Variants in NBPF6 observed in about 807,000 individuals in gnomAD.
The protein encoded by NBPF6 is NBPF family member NBPF6.
In NBPF6, 2 loss-of-function variants were observed where a neutral mutation model predicts 20.8. The observed-to-expected ratio is 0.10, with a 90% CI of 0.04 to 0.30. The LOEUF (loss-of-function observed/expected upper bound fraction) is 0.30, where lower values mean the gene tolerates loss of function less well. Ranked by LOEUF, NBPF6 falls within the 10% of genes least tolerant of loss-of-function variation. The pLI, the probability that NBPF6 is intolerant of heterozygous loss-of-function variation, is 1.00. For synonymous variants in NBPF6, 24 were observed against 100.0 expected (o/e 0.24, Z 4.53); for missense variants, 85 against 260.3 (o/e 0.33, Z 4.63).
Position 108,470,619 on chromosome 1 carries a change from T to A in NBPF6, c.1898T>A (p.Met633Lys). The change falls in exon 15 of 15, where the codon ATG becomes AAG. Residue 633 changes from methionine (M) to lysine (K), a missense_variant. This residue lies in a region of NBPF6 where 31 missense variants were observed against 21.0 expected (regional missense o/e 1.48). Coordinates refer to ENST00000495380, the MANE Select transcript of NBPF6 (RefSeq NM_001143988.2). ...CAGATACCAAATACTGCTGAAAGGA[T>A]GCAAAGGATGATAGGATGAAAGAAT... ...SAEIPNTAERMQRMIG is the reference protein window; with the variant it reads ...SAEIPNTAERKQRMIG The A allele has an allele frequency of 6.4e-7, 1 of 1,555,406 alleles. No individual in the cohort carries two copies. Among genetic ancestry groups the A allele is most frequent in the Non-Finnish European group, 8.7e-7 (1 of 1,149,004 alleles).
chr1:108,434,722 C>T, the NBPF6 span, among the ~76,000 whole-genome samples: 1 of 86,084 alleles, frequency 1.2e-5, no homozygotes, highest in Non-Finnish European at 2.9e-5. Flanking sequence ...AACTCCCAGA[C>T]TCCAGTGATC....
At position 108,452,984 on chromosome 1, in the gene NBPF6, G is replaced by GTA. The variant is rs1652928381; in HGVS notation, c.279-196_279-195insAT. Among the ~76,000 whole-genome samples, 3 of 55,222 alleles carry GTA rather than the reference G, an allele frequency of 5.4e-5. No individual in the cohort carries two copies. In the South Asian group the frequency reaches 1.2e-3, roughly 22 times the overall value. The allele number at this position is 55,222 out of a possible 152,430, so 36.2% of individuals were successfully genotyped here. A position where few individuals can be genotyped will look rare whatever the true frequency, so the allele number is the denominator to read the frequency against. ...TGTGTGTGTGTGTATGTTTGTTTGT[G>GTA]TGTGTGTGTGTGTGTGTGTGTGTGT... On this transcript the variant is annotated intron_variant, in intron 3 of 14. Coordinates refer to ENST00000495380, the MANE Select transcript of NBPF6 (RefSeq NM_001143988.2).
upstream of NBPF6, among the ~76,000 whole-genome samples, chr1:108,447,502 C>T (rs1484224751): frequency 3.8e-5 from 5 of 133,196 alleles, no homozygotes; most frequent in East Asian, 6.6e-4. Context: ...AGTTCTTTCC[C>T]GCTCAGGACA....
At chr1:108,459,276 G>GT (rs1553271542) in intron 9 of NBPF6, among the ~76,000 whole-genome samples, 167 bp downstream of exon 9, 1 of 99,380 alleles carries the variant, frequency 1.0e-5, no homozygotes, top group Non-Finnish European at 2.2e-5. Flanking sequence ...TTTAATGTTT[G>GT]CATTTCTTAT....
chr1:108,459,369 CTCT>C (rs1476520741), intron 9 of NBPF6, among the ~76,000 whole-genome samples: 1 of 139,436 alleles, frequency 7.2e-6, no homozygotes, highest in African/African-American at 2.6e-5. Flanking sequence ...AGTAAGTATA[CTCT>C]TCTTATGGTG....
chr1:108,437,048 A>G, the NBPF6 span, among the ~76,000 whole-genome samples: 1 of 31,906 alleles, frequency 3.1e-5, no homozygotes, highest in South Asian at 8.5e-4. Context: ...AAAAGATAAA[A>G]GTTTGAGGTG....
At chr1:108,459,724 TTCTC>T (rs1336874468) in intron 9 of NBPF6, among the ~76,000 whole-genome samples, 1 of 55,116 alleles carries the variant, frequency 1.8e-5, no homozygotes, top group Admixed American at 1.6e-4. Context: ...CACCTGATGC[TTCTC>T]TCTCTCTCAT....
upstream of NBPF6, among the ~76,000 whole-genome samples, chr1:108,447,760 A>G (rs1178468222): frequency 5.7e-5 from 8 of 139,234 alleles, no homozygotes; most frequent in African/African-American, 1.9e-4. Flanking sequence ...GAAATGGTTC[A>G]GCAGGACGAG....
intron 14 of NBPF6, 57 bp downstream of exon 14, chr1:108,467,722 A>G: frequency 6.5e-7 from 1 of 1,544,034 alleles, no homozygotes; most frequent in Non-Finnish European, 8.8e-7. Context: ...GTCTATGGTG[A>G]CAGCTCATTC....
chr1:108,465,141 A>T, intron 12 of NBPF6, 47 bp from the exon 13 acceptor site: 1 of 670,770 alleles, frequency 1.5e-6, no homozygotes, highest in South Asian at 1.7e-5. Flanking sequence ...ATGACTTAAC[A>T]AAGGGAAAAC....
upstream of NBPF6, among the ~76,000 whole-genome samples, chr1:108,448,265 T>C (rs1430789217): frequency 2.7e-5 from 4 of 145,596 alleles, no homozygotes; most frequent in South Asian, 2.1e-4. Context: ...ATCTATTCTC[T>C]GGTGTCTCAG....
In NBPF6 at chr1:108,471,208, T is replaced by C. The variant is rs1276408316; in HGVS notation, c.*570T>C. Among the ~76,000 whole-genome samples, 1 of 152,186 alleles carries C rather than the reference T, an allele frequency of 6.6e-6. No homozygotes were observed. Among genetic ancestry groups the C allele is most frequent in the Non-Finnish European group, 1.5e-5 (1 of 68,038 alleles). On this transcript the variant is annotated 3_prime_UTR_variant, in exon 15 of 15. Transcript: ENST00000495380. ...TTTTAGTCATTTTGAACCCAAAACA[T>C]CTCCTTATCTTTTTGTTGTTGTCAT...
Position 108,471,202 on chromosome 1 carries a change from A to C in NBPF6, c.*564A>C, listed in dbSNP as rs2101067315. Reference sequence around the variant, plus strand: ...ATGCTTTTTTAGTCATTTTGAACCCAAAACATCTCCTTATCTTTTTGTTGT... The same window carrying C: ...ATGCTTTTTTAGTCATTTTGAACCCCAAACATCTCCTTATCTTTTTGTTGT... On this transcript the variant is annotated 3_prime_UTR_variant, in exon 15 of 15. Transcript: ENST00000495380. 6.6e-6 allele frequency among the ~76,000 whole-genome samples: 1 copy of C among 152,342 alleles called. No individual in the cohort carries two copies.
upstream of NBPF6, among the ~76,000 whole-genome samples, chr1:108,448,001 A>G (rs1652670587): frequency 1.4e-5 from 2 of 146,652 alleles, no homozygotes; most frequent in African/African-American, 5.1e-5. Flanking sequence ...CAGTGCTTAG[A>G]TTATTCATTT....
At chr1:108,447,900 A>G (rs1411599815), upstream of NBPF6, among the ~76,000 whole-genome samples, 1 of 147,462 alleles carries the variant, frequency 6.8e-6, no homozygotes, top group Non-Finnish European at 1.5e-5. Context: ...ATTTGCTCTT[A>G]TAAGTAATAA....
chr1:108,447,703 G>T (rs1652654441), upstream of NBPF6, among the ~76,000 whole-genome samples: 1 of 134,204 alleles, frequency 7.5e-6, no homozygotes, highest in Non-Finnish European at 1.6e-5. Context: ...CCATTTCAAG[G>T]AGCTTTGGGA....
rs1187593671 is a variant in NBPF6 at position 108,467,802 on chromosome 1, G to T, written c.1875+137G>T. On this transcript the variant is annotated intron_variant, in intron 14 of 14. Coordinates refer to ENST00000495380, the MANE Select transcript of NBPF6 (RefSeq NM_001143988.2). ...CTAACCTCTGTCTGGTCTTAGCTCT[G>T]TGTCCCATGGGCTCCCACCCTGACT... 8.3e-5 allele frequency: 86 copies of T among 1,032,890 alleles called. 3 individuals carry two copies. In the South Asian group the frequency reaches 8.8e-4, roughly 11 times the overall value. The allele number at this position is 1,032,890 out of a possible 1,614,324, so 64.0% of individuals were successfully genotyped here.
At chr1:108,469,464 T>C (rs556478331) in intron 14 of NBPF6, among the ~76,000 whole-genome samples, 2 of 151,168 alleles carry the variant, frequency 1.3e-5, no homozygotes, top group South Asian at 4.2e-4. Context: ...ACTGAAATGC[T>C]GCAAGAGATT....
At position 108,471,149 on chromosome 1, in the gene NBPF6, C is replaced by T. The variant is rs2101067238; in HGVS notation, c.*511C>T. On this transcript the variant is annotated 3_prime_UTR_variant, in exon 15 of 15. Coordinates refer to ENST00000495380, the MANE Select transcript of NBPF6 (RefSeq NM_001143988.2). ...AAAAGGAGAAGAGACATTTTGAGTT[C>T]AAAAAGAGTAAAAAGCCTATGCAGC... 6.6e-6 allele frequency: 1 copy of T among 152,360 alleles called. No homozygotes were observed. Among genetic ancestry groups the T allele is most frequent in the East Asian group, 1.9e-4 (1 of 5,188 alleles). The allele number at this position is 152,360 out of a possible 1,614,324, so 9.4% of individuals were successfully genotyped here. A position where few individuals can be genotyped will look rare whatever the true frequency, so the allele number is the denominator to read the frequency against.
Sources: allele counts gnomAD v4.1 joint callset (sites outside exome capture counted in the v4.1 genomes callset), GRCh38; gene constraint gnomAD v4.1.1; regional missense constraint gnomAD v4.1.1; transcripts MANE v1.5; gene names NCBI Gene and HGNC (gene_info 2026-07-23, HGNC 2026-07-21).